Variants in APBB2 observed in about 807,000 individuals in gnomAD.
APBB2 encodes the protein amyloid beta precursor protein binding family B member 2.
Under a neutral mutation model 82.5 loss-of-function variants are expected in APBB2, and 38 were observed. The observed-to-expected ratio is 0.46, with a 90% CI of 0.36 to 0.60. APBB2 has a LOEUF of 0.60. Ranked by LOEUF, APBB2 falls within the 20% of genes least tolerant of loss-of-function variation. The pLI is 0.00. For missense variants in APBB2, 772 were observed against 972.3 expected, an observed-to-expected ratio of 0.79 and a Z score of 2.74; for synonymous variants, 341 against 368.2, an observed-to-expected ratio of 0.93 and a Z score of 0.85.
chr4:41,100,374 G>C (rs968671817), intron 3 of APBB2, among the ~76,000 whole-genome samples: 2 of 151,964 alleles, frequency 1.3e-5, no homozygotes, highest in African/African-American at 2.4e-5. Flanking sequence ...TTGCAAATCT[G>C]ATAAAAGTTT....
chr4:41,204,156 G>A (rs962739622), intron 1 of APBB2, among the ~76,000 whole-genome samples: 3 of 152,338 alleles, frequency 2.0e-5, no homozygotes, highest in Non-Finnish European at 2.9e-5. Flanking sequence ...AAAGGCCAGA[G>A]AAAATCTGGC....
intron 6 of APBB2, among the ~76,000 whole-genome samples, chr4:40,982,221 GGAAAGAAA>G (rs1553893376): frequency 4.6e-4 from 6 of 12,906 alleles, no homozygotes; most frequent in African/African-American, 2.0e-3. Flanking sequence ...AGAAAAGAAA[GGAAAGAAA>G]GAAAGAAAGA....
At chr4:41,035,255 T>C (rs929742997) in intron 4 of APBB2, among the ~76,000 whole-genome samples, 1 of 152,220 alleles carries the variant, frequency 6.6e-6, no homozygotes, top group Non-Finnish European at 1.5e-5. Flanking sequence ...TAGCAACCTT[T>C]AATGGGCATC....
At chr4:40,842,518 G>C (rs765000497) in intron 12 of APBB2, 3 of 337,630 alleles carry the variant, frequency 8.9e-6, no homozygotes, top group Non-Finnish European at 1.9e-5. Context: ...GCAATTAATA[G>C]GCTTTCCGTG....
intron 12 of APBB2, among the ~76,000 whole-genome samples, chr4:40,871,199 T>A (rs1008660682): frequency 2.0e-5 from 3 of 152,184 alleles, no homozygotes; most frequent in Non-Finnish European, 4.4e-5. Context: ...TAGAGGGCAA[T>A]GTTGCAGTCT....
chr4:41,023,163 C>G (rs1712424029), intron 5 of APBB2, among the ~76,000 whole-genome samples: 1 of 152,208 alleles, frequency 6.6e-6, no homozygotes, highest in African/African-American at 2.4e-5. Context: ...CCCTGTCAAA[C>G]ATGACTGTTC....
At chr4:41,040,308 C>T (rs972747097) in intron 4 of APBB2, among the ~76,000 whole-genome samples, 1 of 152,120 alleles carries the variant, frequency 6.6e-6, no homozygotes, top group African/African-American at 2.4e-5. Flanking sequence ...AGGTTTTAAA[C>T]ATTTTCCCCC....
intron 6 of APBB2, among the ~76,000 whole-genome samples, chr4:40,975,325 T>A (rs1333658172): frequency 6.6e-6 from 1 of 152,140 alleles, no homozygotes; most frequent in Non-Finnish European, 1.5e-5. Context: ...CAACAGGGAA[T>A]CTATCTTTGG....
chr4:40,903,680 A>C (rs1245886724), intron 10 of APBB2, among the ~76,000 whole-genome samples: 1 of 152,170 alleles, frequency 6.6e-6, no homozygotes, highest in African/African-American at 2.4e-5. Context: ...TAGGGATTCA[A>C]CATAAGAGAA....
chr4:41,138,361 C>A (rs1048115720), intron 2 of APBB2, among the ~76,000 whole-genome samples: 3 of 152,172 alleles, frequency 2.0e-5, no homozygotes, highest in African/African-American at 7.2e-5. Context: ...TACATACACA[C>A]AGTTTCCCAT....
intron 1 of APBB2, among the ~76,000 whole-genome samples, chr4:41,160,834 G>A (rs1764959536): frequency 6.6e-6 from 1 of 152,144 alleles, no homozygotes. Context: ...TAAAGCCAAT[G>A]AAAATTATAT....
intron 12 of APBB2, among the ~76,000 whole-genome samples, chr4:40,843,377 T>C (rs1171026559): frequency 6.6e-6 from 1 of 152,160 alleles, no homozygotes; most frequent in Non-Finnish European, 1.5e-5. Flanking sequence ...GAAGAGCTGC[T>C]CACCCTGAGG....
intron 1 of APBB2, among the ~76,000 whole-genome samples, chr4:41,199,806 T>C (rs1776228996): frequency 6.6e-6 from 1 of 152,226 alleles, no homozygotes; most frequent in African/African-American, 2.4e-5. Flanking sequence ...TCTTCCGGTG[T>C]CTAGTGGCAA....
chr4:40,873,087 CA>C (rs71648932), intron 12 of APBB2, among the ~76,000 whole-genome samples: 362 of 106,010 alleles, frequency 3.4e-3, no homozygotes, highest in African/African-American at 9.1e-3. Flanking sequence ...GACTCCATCT[CA>C]AAAAAAAAAA....
intron 12 of APBB2, among the ~76,000 whole-genome samples, chr4:40,855,269 GAAGAC>G (rs1760809046): frequency 1.3e-5 from 2 of 152,354 alleles, no homozygotes; most frequent in African/African-American, 2.4e-5. Context: ...AAGAAAGGAA[GAAGAC>G]ACCTGTTGTA....
chr4:41,174,891 G>A (rs1769335876), intron 1 of APBB2, among the ~76,000 whole-genome samples: 1 of 152,198 alleles, frequency 6.6e-6, no homozygotes, highest in Non-Finnish European at 1.5e-5. Flanking sequence ...AAGAAGGACT[G>A]AAGATGAATT....
rs1346960384 is a variant in APBB2, at chr4:41,100,675, GCTC to G, written c.-188_-186del. ...CTTTGGTACAAAGCTCAGAAGGCAA[GCTC>G]CTTTTTTTCCCCACAAAGTCTGTTA... On this transcript the variant is annotated 5_prime_UTR_variant, in exon 3 of 18. Coordinates refer to ENST00000508593, the MANE Select transcript of APBB2 (RefSeq NM_004307.2). 2.0e-5 allele frequency: 3 copies of G among 152,140 alleles called. No homozygotes were observed. Among genetic ancestry groups the G allele is most frequent in the African/African-American group, 7.2e-5 (3 of 41,436 alleles). 9.4% of individuals were successfully genotyped at this position (152,140 alleles called of 1,614,324 possible). A position where few individuals can be genotyped will look rare whatever the true frequency, so the allele number is the denominator to read the frequency against.
chr4:41,213,651 C>T (rs181477589), intron 1 of APBB2, among the ~76,000 whole-genome samples: 4 of 152,384 alleles, frequency 2.6e-5, no homozygotes, highest in Admixed American at 2.6e-4. Context: ...CAGCTCTGTT[C>T]TCGCCGCACA....
intron 10 of APBB2, among the ~76,000 whole-genome samples, chr4:40,924,821 T>C (rs1270068138): frequency 2.6e-5 from 4 of 152,340 alleles, no homozygotes; most frequent in Admixed American, 2.0e-4. Context: ...GTTTGCTACA[T>C]AGCACGCAGG....
Sources: allele counts gnomAD v4.1 joint callset (sites outside exome capture counted in the v4.1 genomes callset), GRCh38; gene constraint gnomAD v4.1.1; transcripts MANE v1.5; gene names NCBI Gene and HGNC (gene_info 2026-07-23, HGNC 2026-07-21).